GALNT18: variants seen among roughly 807,000 people sequenced by gnomAD.
GALNT18 encodes the protein polypeptide N-acetylgalactosaminyltransferase 18, also known as GalNAc-transferase 18.
GALNT18 carries 44 observed loss-of-function variants against 69.5 expected under a neutral mutation model. That is an observed-to-expected ratio of 0.63 (90% CI 0.50 to 0.81). The LOEUF (loss-of-function observed/expected upper bound fraction) is 0.81, where lower values mean the gene tolerates loss of function less well. Ranked by LOEUF, GALNT18 falls within the 40% of genes least tolerant of loss-of-function variation. The probability of loss-of-function intolerance (pLI) is 0.00; values close to 1 mark genes in which losing one functional copy is unlikely to be tolerated. For missense variants in GALNT18, 715 were observed against 810.0 expected (o/e 0.88, Z 1.42); for synonymous variants, 364 against 318.2 (o/e 1.14, Z -1.53).
chr11:11,339,096 G>A lies in GALNT18; in HGVS notation c.1278+1723C>T, dbSNP rs1241788804. ...AGAAATATTGACTCTGTACAAGTTT[G>A]ATAAGAGGAAGGAGAGGACATTTGG... On this transcript the variant is annotated intron_variant, in intron 7 of 10. Coordinates refer to ENST00000227756, the MANE Select transcript of GALNT18 (RefSeq NM_198516.3). The surrounding 1 kb of genome is among the most constrained non-coding windows in gnomAD (Gnocchi z 5.2). Among the ~76,000 whole-genome samples the A allele has an allele frequency of 6.6e-6, 1 of 152,150 alleles. No homozygotes were observed. Among genetic ancestry groups the A allele is most frequent in the Non-Finnish European group, 1.5e-5 (1 of 68,034 alleles).
chr11:11,298,567 G>A (rs965414053), intron 9 of GALNT18, among the ~76,000 whole-genome samples: 15 of 152,236 alleles, frequency 9.9e-5, no homozygotes, highest in Admixed American at 2.6e-4. Flanking sequence ...GCCCAGGCCC[G>A]GGAGCTTGGT....
At chr11:11,313,311 G>T (rs1161741430) in intron 9 of GALNT18, among the ~76,000 whole-genome samples, 1 of 152,158 alleles carries the variant, frequency 6.6e-6, no homozygotes, top group Non-Finnish European at 1.5e-5. Context: ...CAAGCCCAGG[G>T]TGGATGGGGA....
chr11:11,513,105 G>T (rs1462236271), intron 1 of GALNT18, among the ~76,000 whole-genome samples: 6 of 152,216 alleles, frequency 3.9e-5, no homozygotes. Flanking sequence ...GAAAAGGGCA[G>T]CTGGATGAAG....
rs1283872523 is a variant in GALNT18 at position 11,591,385 on chromosome 11, A to C, written c.235+29974T>G. Among the ~76,000 whole-genome samples, 1 of 152,202 alleles carries C rather than the reference A, an allele frequency of 6.6e-6. No homozygotes were observed. Among genetic ancestry groups the C allele is most frequent in the Non-Finnish European group, 1.5e-5 (1 of 68,040 alleles). On this transcript the variant is annotated intron_variant, in intron 1 of 10. Transcript: ENST00000227756. This position sits in a 1 kb window ranked among gnomAD's most constrained non-coding sequence, Gnocchi z 4.8. ...ACATGACTGTATAGATAAAGCATCT[A>C]ACACGGTCCTTGGCTCATGGTTGAC...
intron 10 of GALNT18, among the ~76,000 whole-genome samples, chr11:11,279,309 CATA>C (rs368480163): frequency 4.7e-4 from 71 of 152,140 alleles, no homozygotes; most frequent in Non-Finnish European, 8.4e-4. Flanking sequence ...CTAACACATC[CATA>C]ATAATTAAAA....
At position 11,606,509 on chromosome 11, in the gene GALNT18, C is replaced by T. The variant is rs1289126082; in HGVS notation, c.235+14850G>A. The stretch of plus-strand genomic sequence containing the variant: ...TCCTTGACATAAAATATCTGCCCCT[C>T]CTCTATCCGAATCATCACTCTGGTT... On this transcript the variant is annotated intron_variant, in intron 1 of 10. Transcript: ENST00000227756. This position sits in a 1 kb window ranked among gnomAD's most constrained non-coding sequence, Gnocchi z 5.4. 6.6e-6 allele frequency among the ~76,000 whole-genome samples: 1 copy of T among 152,148 alleles called. No individual in the cohort carries two copies. The highest frequency in any genetic ancestry group is 2.4e-5 in the African/African-American group (1 of 41,418).
chr11:11,605,892 C>T lies in GALNT18; in HGVS notation c.235+15467G>A, dbSNP rs1237182663. On this transcript the variant is annotated intron_variant, in intron 1 of 10. Transcript: ENST00000227756. This position sits in a 1 kb window ranked among gnomAD's most constrained non-coding sequence, Gnocchi z 4.7. ...CTGGGAGAGCTCAGTGTGGAAAGCA[C>T]ACTGCACACACGCTCATGCGCACAC... Among the ~76,000 whole-genome samples the T allele has an allele frequency of 6.6e-6, 1 of 152,190 alleles. No individual in the cohort carries two copies. The highest frequency in any genetic ancestry group is 6.5e-5 in the Admixed American group (1 of 15,274).
At chr11:11,455,291 CA>C (rs1169268211) in intron 1 of GALNT18, among the ~76,000 whole-genome samples, 1 of 152,026 alleles carries the variant, frequency 6.6e-6, no homozygotes, top group Non-Finnish European at 1.5e-5. Context: ...GTGGGAAGAG[CA>C]AATATATAGA....
chr11:11,609,786 T>C (rs540520311), intron 1 of GALNT18, among the ~76,000 whole-genome samples: 1 of 152,308 alleles, frequency 6.6e-6, no homozygotes, highest in East Asian at 1.9e-4. Context: ...GCCCACCATT[T>C]CATACGTTTA....
In GALNT18 at chr11:11,481,826, G is replaced by A. The variant is rs936713997; in HGVS notation, c.236-32890C>T. Among the ~76,000 whole-genome samples the A allele has an allele frequency of 2.6e-5, 4 of 152,160 alleles. No homozygotes were observed. In the East Asian group the frequency reaches 7.7e-4, roughly 29 times the overall value. ...CCTACCCTAACAGGCCCTTCAGGAGGCACAGACCTTGTTTGAATTATCACA... is the reference window on the plus strand; with the variant it reads ...CCTACCCTAACAGGCCCTTCAGGAGACACAGACCTTGTTTGAATTATCACA... On this transcript the variant is annotated intron_variant, in intron 1 of 10. Transcript: ENST00000227756.
rs537997146 is a variant in GALNT18, at chr11:11,616,191, A to T, written c.235+5168T>A. Among the ~76,000 whole-genome samples the T allele has an allele frequency of 6.6e-6, 1 of 152,280 alleles. No homozygotes were observed. The highest frequency in any genetic ancestry group is 1.5e-5 in the Non-Finnish European group (1 of 68,014). On this transcript the variant is annotated intron_variant, in intron 1 of 10. Transcript: ENST00000227756. The surrounding 1 kb of genome is among the most constrained non-coding windows in gnomAD (Gnocchi z 4.4). ...AAGGACACAAATAGTCCCACAAGAT[A>T]AAACAAATACCAGGGGTGGGGGAGG... is the stretch of plus-strand genomic sequence containing the variant.
At chr11:11,297,951 A>G (rs958122049) in intron 9 of GALNT18, among the ~76,000 whole-genome samples, 1 of 152,234 alleles carries the variant, frequency 6.6e-6, no homozygotes. Flanking sequence ...ATCTTACGCT[A>G]GTGGCATTTT....
Position 11,505,623 on chromosome 11 carries a change from A to G in GALNT18, c.236-56687T>C, listed in dbSNP as rs928463403. Among the ~76,000 whole-genome samples, 3 of 152,148 alleles carry G rather than the reference A, an allele frequency of 2.0e-5. No homozygotes were observed. Among genetic ancestry groups the G allele is most frequent in the Non-Finnish European group, 2.9e-5 (2 of 68,030 alleles). ...TCTGGATTCAGTCTCCGACATCCCA[A>G]TGAAAGCATTCTCACTAAGATTTCC... On this transcript the variant is annotated intron_variant, in intron 1 of 10. Coordinates refer to ENST00000227756, the MANE Select transcript of GALNT18 (RefSeq NM_198516.3). The surrounding 1 kb of genome is among the most constrained non-coding windows in gnomAD (Gnocchi z 4.6).
Position 11,472,989 on chromosome 11 carries a change from C to T in GALNT18, c.236-24053G>A, listed in dbSNP as rs150833064. ...CCTGGATGAAAGAGTGAGACCCTGT[C>T]TCAAAAAAATAAATAAATAAAAAAG... On this transcript the variant is annotated intron_variant, in intron 1 of 10. Transcript: ENST00000227756. Among the ~76,000 whole-genome samples the T allele has an allele frequency of 2.0e-3, 298 of 151,994 alleles. 1 individual carries two copies. The highest frequency in any genetic ancestry group is 6.8e-3 in the African/African-American group (281 of 41,472).
At chr11:11,326,701 T>A (rs1420372808) in intron 9 of GALNT18, among the ~76,000 whole-genome samples, 1 of 152,194 alleles carries the variant, frequency 6.6e-6, no homozygotes, top group Non-Finnish European at 1.5e-5. Flanking sequence ...GAAGGGACTC[T>A]GACATTTCAG....
chr11:11,305,690 T>A (rs1029928341), intron 9 of GALNT18, among the ~76,000 whole-genome samples: 9 of 152,084 alleles, frequency 5.9e-5, no homozygotes, highest in African/African-American at 2.2e-4. Context: ...TTGGCAGAAT[T>A]ACATAGAAGG....
intron 3 of GALNT18, among the ~76,000 whole-genome samples, chr11:11,408,430 A>G (rs1000358722): frequency 6.6e-6 from 1 of 151,712 alleles, no homozygotes; most frequent in Non-Finnish European, 1.5e-5. Flanking sequence ...TGTTCCTCTC[A>G]ATGAACAGAT....
At position 11,383,605 on chromosome 11, in the gene GALNT18, A is replaced by C. The variant is rs1853973444; in HGVS notation, c.596-4341T>G. Among the ~76,000 whole-genome samples, 1 of 152,102 alleles carries C rather than the reference A, an allele frequency of 6.6e-6. No individual in the cohort carries two copies. The highest frequency in any genetic ancestry group is 2.4e-5 in the African/African-American group (1 of 41,452). On this transcript the variant is annotated intron_variant, in intron 3 of 10. Coordinates refer to ENST00000227756, the MANE Select transcript of GALNT18 (RefSeq NM_198516.3). This position sits in a 1 kb window ranked among gnomAD's most constrained non-coding sequence, Gnocchi z 5.2. ...TCTAGGTTTTGGGGACATAGAAATG[A>C]AGTGAGAGTTCACCCATTCATTCAT...
chr11:11,447,873 T>A (rs1855695060), intron 2 of GALNT18, among the ~76,000 whole-genome samples: 1 of 152,292 alleles, frequency 6.6e-6, no homozygotes, highest in South Asian at 2.1e-4. Context: ...AACCGTATCA[T>A]CCCTGTGTCT....
Sources: allele counts gnomAD v4.1 joint callset (sites outside exome capture counted in the v4.1 genomes callset), GRCh38; gene constraint gnomAD v4.1.1; non-coding constraint Gnocchi (gnomAD v3.1); transcripts MANE v1.5; gene names NCBI Gene and HGNC (gene_info 2026-07-23, HGNC 2026-07-21).